TBC1D13: variants seen among roughly 807,000 people sequenced by gnomAD.
TBC1D13 encodes the protein TBC1 domain family member 13.
In TBC1D13, 40 loss-of-function variants were observed where a neutral mutation model predicts 53.6. The observed-to-expected ratio is 0.75, with a 90% CI of 0.58 to 0.97. The LOEUF (loss-of-function observed/expected upper bound fraction) is 0.97, where lower values mean the gene tolerates loss of function less well. Among genes scored for constraint, TBC1D13 ranks in the 50% least tolerant of loss-of-function variants. TBC1D13 has a pLI of 0.00. For missense variants in TBC1D13, 377 were observed against 499.4 expected (o/e 0.75, Z 2.34); for synonymous variants, 182 against 197.7 (o/e 0.92, Z 0.67).
intron 1 of TBC1D13, 105 bp from the exon 2 acceptor site, chr9:128,788,229 A>C: frequency 1.1e-6 from 1 of 935,254 alleles, no homozygotes; most frequent in African/African-American, 1.6e-5. Context: ...CCTAAAGGGG[A>C]GAGAGGCACA....
chr9:128,793,084 G>A (rs774780889), intron 6 of TBC1D13, among the ~76,000 whole-genome samples: 7 of 152,262 alleles, frequency 4.6e-5, no homozygotes, highest in Non-Finnish European at 1.0e-4. Context: ...TGAGGAGTGG[G>A]AGGCCTCAGG....
chr9:128,808,334 T>C lies in TBC1D13; in HGVS notation c.*455T>C. 4.5e-6 allele frequency: 1 copy of C among 221,488 alleles called. No homozygotes were observed. Among genetic ancestry groups the C allele is most frequent in the South Asian group, 7.7e-5 (1 of 12,924 alleles). The allele number at this position is 221,488 out of a possible 1,614,324, so 13.7% of individuals were successfully genotyped here. A position where few individuals can be genotyped will look rare whatever the true frequency, so the allele number is the denominator to read the frequency against. Reference sequence around the variant, plus strand: ...GAAGGCGACACTGAAAGCTGAGTCCTGCCGTCTGTCTCACCCACAGATGTC... The same window carrying C: ...GAAGGCGACACTGAAAGCTGAGTCCCGCCGTCTGTCTCACCCACAGATGTC... On this transcript the variant is annotated 3_prime_UTR_variant, in exon 12 of 12. Coordinates refer to ENST00000372648, the MANE Select transcript of TBC1D13 (RefSeq NM_018201.5).
intron 7 of TBC1D13, 92 bp from the exon 8 acceptor site, chr9:128,803,158 C>T: frequency 8.4e-7 from 1 of 1,184,194 alleles, no homozygotes; most frequent in Non-Finnish European, 1.2e-6. Context: ...GGCTCAGCTC[C>T]CACCTCAGCC....
chr9:128,795,182 G>A (rs903045939), intron 6 of TBC1D13, among the ~76,000 whole-genome samples: 3 of 149,898 alleles, frequency 2.0e-5, no homozygotes, highest in African/African-American at 7.3e-5. Context: ...CACCTCCTGA[G>A]TAGCCAGGAC....
chr9:128,797,206 G>A lies in TBC1D13; in HGVS notation c.535G>A (p.Val179Ile), dbSNP rs1829647047. The stretch of plus-strand genomic sequence containing the variant: ...GACGGTGGCCCGGAACCGGAGTGGG[G>A]TCACAAATGTGAGTGCCAACCTGGG... ...SQTVARNRSGVTNMSSPHKNS... is the reference protein window; with the variant it reads ...SQTVARNRSGITNMSSPHKNS... Residue 179 changes from valine (V) to isoleucine (I), a missense_variant, in exon 7 of 12, where the codon GTC becomes ATC. Physicochemically the swap from Val to Ile is conservative, Grantham distance 29 (BLOSUM62 3). Transcript: ENST00000372648. 1.9e-6 allele frequency: 3 copies of A among 1,613,960 alleles called. No individual in the cohort carries two copies. The highest frequency in any genetic ancestry group is 2.5e-6 in the Non-Finnish European group (3 of 1,179,944).
intron 6 of TBC1D13, among the ~76,000 whole-genome samples, chr9:128,794,263 C>CTCATCTT (rs1318463860): frequency 2.0e-5 from 3 of 152,170 alleles, no homozygotes; most frequent in African/African-American, 4.8e-5. Context: ...GCTCCTCAGC[C>CTCATCTT]CAGGCTCATC....
At chr9:128,789,607 A>ATAATTGGGGTAAT (rs1829492495) in intron 2 of TBC1D13, among the ~76,000 whole-genome samples, 2 of 152,038 alleles carry the variant, frequency 1.3e-5, no homozygotes, top group African/African-American at 4.8e-5. Flanking sequence ...AATGAAGATT[A>ATAATTGGGGTAAT]AATGAAATAA....
chr9:128,794,144 A>G (rs1418286489), intron 6 of TBC1D13, among the ~76,000 whole-genome samples: 3 of 152,174 alleles, frequency 2.0e-5, no homozygotes, highest in Non-Finnish European at 2.9e-5. Context: ...AGCTGGGTGG[A>G]AGAGTCTGCT....
At chr9:128,805,722 C>A in intron 9 of TBC1D13, 137 bp from the exon 10 acceptor site, 1 of 968,928 alleles carries the variant, frequency 1.0e-6, no homozygotes, top group Non-Finnish European at 1.5e-6. Flanking sequence ...GTCCGGCAGC[C>A]TGGTGCCAGC....
At chr9:128,796,920 T>A in intron 6 of TBC1D13, 135 bp from the exon 7 acceptor site, 1 of 947,478 alleles carries the variant, frequency 1.1e-6, no homozygotes, top group Admixed American at 2.1e-5. Flanking sequence ...TGGGCGACAG[T>A]GCAAGACTCC....
chr9:128,790,120 G>A (rs1397523933), intron 2 of TBC1D13, among the ~76,000 whole-genome samples: 3 of 150,764 alleles, frequency 2.0e-5, no homozygotes, highest in Non-Finnish European at 3.0e-5. Flanking sequence ...AGCCAGGAGT[G>A]GTGGCACACA....
intron 5 of TBC1D13, 139 bp from the exon 6 acceptor site, chr9:128,792,353 T>A (rs1458582748): frequency 1.3e-5 from 9 of 679,442 alleles, no homozygotes; most frequent in African/African-American, 1.8e-5. Flanking sequence ...CCTCTGAGTA[T>A]CTTGCAGGTG....
At chr9:128,791,804 T>C (rs1829538340) in intron 5 of TBC1D13, 111 bp downstream of exon 5, 2 of 890,128 alleles carry the variant, frequency 2.2e-6, no homozygotes, top group Non-Finnish European at 3.6e-6. Flanking sequence ...CTGGTGTCAG[T>C]CCCCTCTGGA....
chr9:128,798,527 G>A (rs1041136424), intron 7 of TBC1D13, among the ~76,000 whole-genome samples: 6 of 152,176 alleles, frequency 3.9e-5, no homozygotes, highest in Admixed American at 1.3e-4. Flanking sequence ...CAGGAGTGGC[G>A]GTAGAGAGGC....
At chr9:128,803,610 G>A in intron 8 of TBC1D13, 150 bp downstream of exon 8, 1 of 763,052 alleles carries the variant, frequency 1.3e-6, no homozygotes, top group South Asian at 1.8e-5. Context: ...TGATCTTCTA[G>A]AATGTTGGTT....
At chr9:128,796,319 G>A (rs1829630350) in intron 6 of TBC1D13, among the ~76,000 whole-genome samples, 1 of 151,764 alleles carries the variant, frequency 6.6e-6, no homozygotes, top group South Asian at 2.1e-4. Flanking sequence ...GCACGATCTC[G>A]GCTCACTGCA....
chr9:128,806,690 C>A (rs570197009), intron 11 of TBC1D13, among the ~76,000 whole-genome samples: 1 of 152,074 alleles, frequency 6.6e-6, no homozygotes, highest in East Asian at 1.9e-4. Flanking sequence ...TGCCTATAAT[C>A]CCAGCACTTT....
At chr9:128,805,828 A>C in intron 9 of TBC1D13, 31 bp from the exon 10 acceptor site, 1 of 1,605,348 alleles carries the variant, frequency 6.2e-7, no homozygotes, top group Non-Finnish European at 8.5e-7. Context: ...ACACAGAGTC[A>C]TGCCCCCCAC....
At chr9:128,800,129 G>C (rs1315216874) in intron 7 of TBC1D13, among the ~76,000 whole-genome samples, 1 of 152,210 alleles carries the variant, frequency 6.6e-6, no homozygotes, top group Non-Finnish European at 1.5e-5. Flanking sequence ...TTAGGGGAGA[G>C]AGAGTTTAAT....
Sources: gnomAD v4.1 joint callset for allele counts (sites outside exome capture counted in the v4.1 genomes callset) on GRCh38, gnomAD v4.1.1 for gene constraint, MANE v1.5 for transcripts, NCBI Gene and HGNC (gene_info 2026-07-23, HGNC 2026-07-21) for gene names.